INSL4: variants seen among roughly 807,000 people sequenced by gnomAD.
INSL4 encodes insulin like 4.
INSL4 carries 7 observed loss-of-function variants against 6.5 expected under a neutral mutation model. That is an observed-to-expected ratio of 1.08 (90% CI 0.61 to 2.02). The LOEUF is 2.02. INSL4 is among the 30% of genes most tolerant of loss of function. INSL4 has a pLI of 0.00. For synonymous variants in INSL4, 82 were observed against 65.8 expected (o/e 1.25, Z -1.19); for missense variants, 226 against 163.2 (o/e 1.38, Z -2.09).
At position 5,233,591 on chromosome 9, in the gene INSL4, T is replaced by C. The variant is rs953841296; in HGVS notation, c.197-63T>C. ...TGTGGTCTAGGCAAATTGTATAATT[T>C]TTCTGATCCTCTTTCACATGAATGT... On this transcript the variant is annotated intron_variant, in intron 1 of 1. Transcript: ENST00000239316. 3.0e-6 allele frequency: 4 copies of C among 1,317,972 alleles called. No individual in the cohort carries two copies. The South Asian group carries it at 5.0e-5, about 16-fold the overall frequency. 81.6% of individuals were successfully genotyped at this position (1,317,972 alleles called of 1,614,324 possible). A position where few individuals can be genotyped will look rare whatever the true frequency, so the allele number is the denominator to read the frequency against.
At position 5,233,665 on chromosome 9, in the gene INSL4, A is replaced by G; in HGVS notation, c.208A>G (p.Thr70Ala). ...ESGRPKEMVS[T>A]SNNKDGQALG... ...CTTTTACTTCACAGAAATGGTGTCA[A>G]CCTCCAACAACAAAGATGGACAAGC... Residue 70 changes from threonine to alanine, a missense_variant, in exon 2 of 2, where the codon ACC (threonine) becomes GCC (alanine). By Grantham distance (58) the Thr-to-Ala change is moderately conservative. Coordinates refer to ENST00000239316, the MANE Select transcript of INSL4 (RefSeq NM_002195.2). 1 of 1,612,880 alleles carries G rather than the reference A, an allele frequency of 6.2e-7. No homozygotes were observed. Among genetic ancestry groups the G allele is most frequent in the Non-Finnish European group, 8.5e-7 (1 of 1,179,204 alleles).
In INSL4 at chr9:5,231,486, G is replaced by T. The variant is rs200968527; in HGVS notation, c.-38G>T. The T allele has an allele frequency of 6.3e-7, 1 of 1,589,318 alleles. No individual in the cohort carries two copies. ...CTACAGCAGCAAGTCTCTAAAGAAA[G>T]GCTGAGAACACCCAGAACAGGAGAG... is the stretch of plus-strand genomic sequence containing the variant. On this transcript the variant is annotated 5_prime_UTR_variant, in exon 1 of 2. The change creates a new upstream start codon in the 5' untranslated region. Transcript: ENST00000239316.
chr9:5,231,678 C>A lies in INSL4; in HGVS notation c.155C>A (p.Thr52Asn). The A allele has an allele frequency of 1.2e-6, 2 of 1,613,820 alleles. No homozygotes were observed. The highest frequency in any genetic ancestry group is 1.7e-6 in the Non-Finnish European group (2 of 1,179,828). Reference protein sequence around the residue: ...YCPMPEKTFTTTPGGWLLESG... With the variant: ...YCPMPEKTFTNTPGGWLLESG... ...CCCATGCCTGAGAAGACATTCACCA[C>A]CACCCCAGGAGGGTGGCTGCTGGAA... Residue 52 changes from threonine (T) to asparagine (N), a missense_variant, in exon 1 of 2, where the codon ACC (threonine) becomes AAC (asparagine). Thr to Asn is a moderately conservative substitution (Grantham distance 65, BLOSUM62 0). Coordinates refer to ENST00000239316, the MANE Select transcript of INSL4 (RefSeq NM_002195.2).
Position 5,231,672 on chromosome 9 carries a change from T to C in INSL4, c.149T>C (p.Phe50Ser). Residue 50 changes from phenylalanine to serine, a missense_variant, in exon 1 of 2, where the codon TTC becomes TCC. By Grantham distance (155) the Phe-to-Ser change is radical. Coordinates refer to ENST00000239316, the MANE Select transcript of INSL4 (RefSeq NM_002195.2). ...LSYCPMPEKT[F>S]TTTPGGWLLE... ...TATTGCCCCATGCCTGAGAAGACATTCACCACCACCCCAGGAGGGTGGCTG... is the reference window on the plus strand; with the variant it reads ...TATTGCCCCATGCCTGAGAAGACATCCACCACCACCCCAGGAGGGTGGCTG... 2 of 1,613,776 alleles carry C rather than the reference T, an allele frequency of 1.2e-6. No homozygotes were observed. Among genetic ancestry groups the C allele is most frequent in the Non-Finnish European group, 1.7e-6 (2 of 1,179,830 alleles).
Position 5,233,885 on chromosome 9 carries a change from A to G in INSL4, c.*8A>G, listed in dbSNP as rs577389340. ...GTTAAATTATGTACATAGTAGAGTAATCATGGACTGGACATCTCATCCATT... is the reference window on the plus strand; with the variant it reads ...GTTAAATTATGTACATAGTAGAGTAGTCATGGACTGGACATCTCATCCATT... On this transcript the variant is annotated 3_prime_UTR_variant, in exon 2 of 2. Coordinates refer to ENST00000239316, the MANE Select transcript of INSL4 (RefSeq NM_002195.2). The G allele has an allele frequency of 9.6e-5, 151 of 1,564,948 alleles. No homozygotes were observed. In the South Asian group the frequency reaches 1.5e-3, roughly 16 times the overall value.
At position 5,231,686 on chromosome 9, in the gene INSL4, G is replaced by A. The variant is rs1275792368; in HGVS notation, c.163G>A (p.Gly55Arg). 1 of 1,613,682 alleles carries A rather than the reference G, an allele frequency of 6.2e-7. No individual in the cohort carries two copies. Among genetic ancestry groups the A allele is most frequent in the Non-Finnish European group, 8.5e-7 (1 of 1,179,812 alleles). Residue 55 changes from glycine to arginine, a missense_variant, in exon 1 of 2, where the codon GGA becomes AGA. By Grantham distance (125) the Gly-to-Arg change is moderately radical (BLOSUM62 -2). Transcript: ENST00000239316. The stretch of plus-strand genomic sequence containing the variant: ...TGAGAAGACATTCACCACCACCCCA[G>A]GAGGGTGGCTGCTGGAATCTGGACG... ...MPEKTFTTTP[G>R]GWLLESGRPK...
In INSL4 at chr9:5,233,641, T is replaced by G. The variant is rs748516943; in HGVS notation, c.197-13T>G. The G allele has an allele frequency of 3.0e-5, 48 of 1,601,700 alleles. 1 individual carries two copies. The highest frequency in any genetic ancestry group is 4.1e-5 in the Non-Finnish European group (48 of 1,169,612). On this transcript the variant is annotated splice_polypyrimidine_tract_variant and intron_variant, in intron 1 of 1. Coordinates refer to ENST00000239316, the MANE Select transcript of INSL4 (RefSeq NM_002195.2). ...TTTTTCCTCACCTTTCATTCCTCTC[T>G]TTTACTTCACAGAAATGGTGTCAAC...
Position 5,231,615 on chromosome 9 carries a change from G to A in INSL4, c.92G>A (p.Cys31Tyr), listed in dbSNP as rs777330143. 6 of 1,613,936 alleles carry A rather than the reference G, an allele frequency of 3.7e-6. No homozygotes were observed. In the South Asian group the frequency reaches 4.4e-5, roughly 12 times the overall value. ...AGCCTAGCAGCAGAGCTGAGGGGAT[G>A]TGGTCCCCGATTTGGAAAACACTTG... The part of the protein sequence containing the change: ...RESLAAELRG[C>Y]GPRFGKHLLS... The change falls in exon 1 of 2, where the codon TGT becomes TAT. Residue 31 changes from cysteine to tyrosine, a missense_variant. By Grantham distance (194) the Cys-to-Tyr change is radical (BLOSUM62 -2). Coordinates refer to ENST00000239316, the MANE Select transcript of INSL4 (RefSeq NM_002195.2).
rs926249381 is a variant in INSL4 at position 5,235,106 on chromosome 9, G to C, written c.*1229G>C. On this transcript the variant is annotated 3_prime_UTR_variant, in exon 2 of 2. Transcript: ENST00000239316. The stretch of plus-strand genomic sequence containing the variant: ...CAGAAGAGAGTGCAAAAAGGGACAA[G>C]TAGAAGCCCAGGAAAATGCACAAAG... 1 of 152,826 alleles carries C rather than the reference G, an allele frequency of 6.5e-6. No individual in the cohort carries two copies. The highest frequency in any genetic ancestry group is 1.5e-5 in the Non-Finnish European group (1 of 68,044). 9.5% of individuals were successfully genotyped at this position (152,826 alleles called of 1,614,324 possible).
Position 5,233,699 on chromosome 9 carries a change from C to G in INSL4, c.242C>G (p.Thr81Arg). 1 of 1,613,558 alleles carries G rather than the reference C, an allele frequency of 6.2e-7. No individual in the cohort carries two copies. Among genetic ancestry groups the G allele is most frequent in the South Asian group, 1.1e-5 (1 of 91,054 alleles). Residue 81 changes from threonine to arginine, a missense_variant, in exon 2 of 2, where the codon ACG becomes AGG. Thr to Arg is a moderately conservative substitution (Grantham distance 71). Coordinates refer to ENST00000239316, the MANE Select transcript of INSL4 (RefSeq NM_002195.2). ...SNNKDGQALG[T>R]TSEFIPNLSP... ...AACAAAGATGGACAAGCCTTAGGTA[C>G]GACATCAGAATTCATTCCTAATTTG...
At chr9:5,232,081 G>A (rs1481985204) in intron 1 of INSL4, among the ~76,000 whole-genome samples, 1 of 152,148 alleles carries the variant, frequency 6.6e-6, no homozygotes, top group African/African-American at 2.4e-5. Flanking sequence ...AAGCTGGGCA[G>A]GCCAGAAAAC....
intron 1 of INSL4, among the ~76,000 whole-genome samples, chr9:5,232,256 G>T (rs1034596395): frequency 6.6e-6 from 1 of 152,096 alleles, no homozygotes; most frequent in Non-Finnish European, 1.5e-5. Flanking sequence ...GATAAAGGGG[G>T]CTTAGATTTA....
chr9:5,232,366 T>C (rs187098130), intron 1 of INSL4, among the ~76,000 whole-genome samples: 1 of 152,116 alleles, frequency 6.6e-6, no homozygotes, highest in African/African-American at 2.4e-5. Context: ...ACAGAGCACC[T>C]TGCCTCCCAT....
rs1426609323 is a variant in INSL4, at chr9:5,233,636, C to T, written c.197-18C>T. 6.9e-6 allele frequency: 11 copies of T among 1,590,690 alleles called. No individual in the cohort carries two copies. The Admixed American group carries it at 1.3e-4, about 19-fold the overall frequency. On this transcript the variant is annotated intron_variant, in intron 1 of 1. Transcript: ENST00000239316. ...GAATGTTTTTCCTCACCTTTCATTCCTCTCTTTTACTTCACAGAAATGGTG... is the reference window on the plus strand; with the variant it reads ...GAATGTTTTTCCTCACCTTTCATTCTTCTCTTTTACTTCACAGAAATGGTG...
chr9:5,232,702 G>A (rs576507191), intron 1 of INSL4, among the ~76,000 whole-genome samples: 5 of 152,302 alleles, frequency 3.3e-5, no homozygotes, highest in African/African-American at 1.2e-4. Context: ...ACTATATTCT[G>A]TCTAATAGGT....
Position 5,231,724 on chromosome 9 carries a change from G to A in INSL4, c.196+5G>A. 6.2e-7 allele frequency: 1 copy of A among 1,612,912 alleles called. No homozygotes were observed. The highest frequency in any genetic ancestry group is 8.5e-7 in the Non-Finnish European group (1 of 1,179,298). Reference sequence around the variant, plus strand: ...TGGAATCTGGACGTCCCAAAGGTGAGAGCCCTGGACTACCAAACAATCAGA... The same window carrying A: ...TGGAATCTGGACGTCCCAAAGGTGAAAGCCCTGGACTACCAAACAATCAGA... On this transcript the variant is annotated splice_donor_5th_base_variant and intron_variant, in intron 1 of 1. Transcript: ENST00000239316.
At position 5,233,836 on chromosome 9, in the gene INSL4, G is replaced by A; in HGVS notation, c.379G>A (p.Val127Ile). Residue 127 changes from valine to isoleucine, a missense_variant, in exon 2 of 2, where the codon GTA (valine) becomes ATA (isoleucine). Val to Ile is a conservative substitution (Grantham distance 29). Coordinates refer to ENST00000239316, the MANE Select transcript of INSL4 (RefSeq NM_002195.2). ...RHRFDPFCCE[V>I]ICDDGTSVKL... ...CAGATTTGATCCATTCTGTTGTGAA[G>A]TAATTTGTGACGATGGAACTTCAGT... is the stretch of plus-strand genomic sequence containing the variant. 2 of 1,613,558 alleles carry A rather than the reference G, an allele frequency of 1.2e-6. No individual in the cohort carries two copies. Among genetic ancestry groups the A allele is most frequent in the South Asian group, 2.2e-5 (2 of 91,072 alleles).
chr9:5,233,925 C>G lies in INSL4; in HGVS notation c.*48C>G, dbSNP rs561242376. 1.6e-6 allele frequency: 2 copies of G among 1,268,142 alleles called. No individual in the cohort carries two copies. Among genetic ancestry groups the G allele is most frequent in the African/African-American group, 3.0e-5 (2 of 67,640 alleles). The allele number at this position is 1,268,142 out of a possible 1,614,324, so 78.6% of individuals were successfully genotyped here. The stretch of plus-strand genomic sequence containing the variant: ...TCTCATCCATTCTCATATGTATTCT[C>G]AATGACAAATTCACTGATGCCCAAT... On this transcript the variant is annotated 3_prime_UTR_variant, in exon 2 of 2. Transcript: ENST00000239316.
In INSL4 at chr9:5,231,515, A is replaced by G. The variant is rs766914174; in HGVS notation, c.-9A>G. Reference sequence around the variant, plus strand: ...GAGAACACCCAGAACAGGAGAGTTCAGGTCCAGGATGGCCAGCCTGTTCCG... The same window carrying G: ...GAGAACACCCAGAACAGGAGAGTTCGGGTCCAGGATGGCCAGCCTGTTCCG... On this transcript the variant is annotated 5_prime_UTR_variant, in exon 1 of 2. Transcript: ENST00000239316. The G allele has an allele frequency of 6.2e-7, 1 of 1,611,148 alleles. No homozygotes were observed. The highest frequency in any genetic ancestry group is 1.3e-5 in the African/African-American group (1 of 74,892).
Sources: gnomAD v4.1 joint callset for allele counts (sites outside exome capture counted in the v4.1 genomes callset) on GRCh38, gnomAD v4.1.1 for gene constraint, MANE v1.5 for transcripts, NCBI Gene and HGNC (gene_info 2026-07-23, HGNC 2026-07-21) for gene names.